RBPJ: variants seen among roughly 807,000 people sequenced by gnomAD.
RBPJ encodes recombination signal binding protein for immunoglobulin kappa J region, also known as recombining binding protein suppressor of hairless.
A neutral mutation model predicts 67.8 loss-of-function variants in RBPJ; 9 were observed. The observed-to-expected ratio is 0.13, with a 90% CI of 0.08 to 0.23. The LOEUF (loss-of-function observed/expected upper bound fraction) is 0.23. Among genes scored for constraint, RBPJ ranks in the 10% least tolerant of loss-of-function variants. The pLI is 1.00. For synonymous variants in RBPJ, 198 were observed against 203.3 expected (o/e 0.97, Z 0.22); for missense variants, 305 against 595.6 (o/e 0.51, Z 5.08).
chr4:26,312,142 T>A (rs1167480601), intron 1 of RBPJ, among the ~76,000 whole-genome samples: 1 of 151,484 alleles, frequency 6.6e-6, no homozygotes, highest in Non-Finnish European at 1.5e-5. Flanking sequence ...TTTATTTTAT[T>A]TTTTTTTGAG....
At chr4:26,119,395 T>C in the RBPJ span, among the ~76,000 whole-genome samples, 1 of 152,218 alleles carries the variant, frequency 6.6e-6, no homozygotes, top group Non-Finnish European at 1.5e-5. Context: ...ACTCTTCCAA[T>C]GCCAACCCAA....
chr4:26,381,727 G>T (rs1466535605), intron 1 of RBPJ, among the ~76,000 whole-genome samples: 1 of 152,160 alleles, frequency 6.6e-6, no homozygotes, highest in Non-Finnish European at 1.5e-5. Context: ...ACAGAACATA[G>T]AGCAAGAAGG....
chr4:26,377,383 T>G (rs1010127651), intron 1 of RBPJ, among the ~76,000 whole-genome samples: 2 of 152,200 alleles, frequency 1.3e-5, no homozygotes, highest in African/African-American at 4.8e-5. Context: ...TGTGCTCTCA[T>G]CAAGTGACAC....
At chr4:26,120,411 C>G in the RBPJ span, among the ~76,000 whole-genome samples, 1 of 152,208 alleles carries the variant, frequency 6.6e-6, no homozygotes, top group African/African-American at 2.4e-5. Flanking sequence ...GAAGAGCCTT[C>G]TATAGAACAC....
intron 1 of RBPJ, among the ~76,000 whole-genome samples, chr4:26,377,332 T>A (rs1278832157): frequency 6.6e-6 from 1 of 152,234 alleles, no homozygotes; most frequent in African/African-American, 2.4e-5. Context: ...AGCAACCTAG[T>A]TCCTGAGTCC....
intron 1 of RBPJ, among the ~76,000 whole-genome samples, chr4:26,337,682 C>CTTTTTTTT (rs386356773): frequency 1.9e-5 from 2 of 108,030 alleles, no homozygotes; most frequent in East Asian, 2.7e-4. Context: ...ATTCTTTATC[C>CTTTTTTTT]TTTTTTTTTT....
intron 1 of RBPJ, among the ~76,000 whole-genome samples, chr4:26,311,915 A>G (rs961909378): frequency 6.6e-6 from 1 of 152,064 alleles, no homozygotes; most frequent in Non-Finnish European, 1.5e-5. Context: ...TGAGCAACAG[A>G]GCAAGATCCT....
chr4:26,210,022 T>C (rs1296264317), intron 1 of RBPJ, among the ~76,000 whole-genome samples: 1 of 152,098 alleles, frequency 6.6e-6, no homozygotes, highest in Admixed American at 6.6e-5. Context: ...CCTAAAACCA[T>C]ATGAGGACCC....
At chr4:26,361,058 CGT>C (rs55870302) in intron 1 of RBPJ, among the ~76,000 whole-genome samples, 3,836 of 148,602 alleles carry the variant, frequency 0.026, 65 homozygotes, top group Middle Eastern at 0.058. Flanking sequence ...AGTGTGTGTG[CGT>C]GTGTGTGTGT....
chr4:26,145,088 C>T, the RBPJ span, among the ~76,000 whole-genome samples: 2 of 145,160 alleles, frequency 1.4e-5, no homozygotes, highest in Non-Finnish European at 3.0e-5. Context: ...TTCTGAGTTT[C>T]ATTTCATCTT....
chr4:26,126,907 A>G, the RBPJ span, among the ~76,000 whole-genome samples: 2 of 152,230 alleles, frequency 1.3e-5, no homozygotes, highest in South Asian at 4.1e-4. Context: ...AGTCTTCATG[A>G]ACTTCATGGA....
At chr4:26,171,487 G>A (rs1388178650) in intron 1 of RBPJ, among the ~76,000 whole-genome samples, 1 of 152,146 alleles carries the variant, frequency 6.6e-6, no homozygotes, top group African/African-American at 2.4e-5. Context: ...AGAATCTTTT[G>A]AGCCCCAAGA....
At chr4:26,267,215 T>C (rs1425600906) in intron 1 of RBPJ, among the ~76,000 whole-genome samples, 2 of 152,158 alleles carry the variant, frequency 1.3e-5, no homozygotes, top group African/African-American at 2.4e-5. Flanking sequence ...TCATATTTCC[T>C]TGTGTGTGCT....
the RBPJ span, among the ~76,000 whole-genome samples, chr4:26,117,345 C>G: frequency 1.3e-5 from 2 of 152,048 alleles, no homozygotes; most frequent in African/African-American, 2.4e-5. Context: ...TCCCATTTTA[C>G]CTCCTCCTGG....
chr4:26,305,766 C>CTTTTCTTTTTTTTTTTT (rs1722213270), intron 1 of RBPJ, among the ~76,000 whole-genome samples: 1 of 57,662 alleles, frequency 1.7e-5, no homozygotes, highest in Non-Finnish European at 3.5e-5. Flanking sequence ...TTAGAATTTT[C>CTTTTCTTTTTTTTTTTT]TTTTCTTTTT....
At chr4:26,295,726 C>T (rs908522768) in intron 1 of RBPJ, among the ~76,000 whole-genome samples, 5 of 152,104 alleles carry the variant, frequency 3.3e-5, no homozygotes, top group African/African-American at 1.2e-4. Context: ...TGATTTGGGA[C>T]TTGGATGAGG....
At chr4:26,307,769 C>A (rs1722284501) in intron 1 of RBPJ, among the ~76,000 whole-genome samples, 1 of 152,140 alleles carries the variant, frequency 6.6e-6, no homozygotes, top group Admixed American at 6.5e-5. Context: ...TTCCAAAGTA[C>A]TTAGATGAAA....
In RBPJ at chr4:26,430,367, T is replaced by G. The variant is rs1736095173; in HGVS notation, c.1045-52T>G. ...TGAATGAGAATCTAATTTGTGTACT[T>G]TAATGAAAAATGAAAAGTTTTCTCA... is the stretch of plus-strand genomic sequence containing the variant. On this transcript the variant is annotated intron_variant, in intron 9 of 10. Coordinates refer to ENST00000355476, the MANE Select transcript of RBPJ (RefSeq NM_015874.6). This position sits in a 1 kb window ranked among gnomAD's most constrained non-coding sequence, Gnocchi z 4.1. 7.0e-7 allele frequency: 1 copy of G among 1,427,658 alleles called. No homozygotes were observed. Among genetic ancestry groups the G allele is most frequent in the African/African-American group, 1.4e-5 (1 of 71,074 alleles). The allele number at this position is 1,427,658 out of a possible 1,614,324, so 88.4% of individuals were successfully genotyped here. A position where few individuals can be genotyped will look rare whatever the true frequency, so the allele number is the denominator to read the frequency against.
At chr4:26,113,813 A>G in the RBPJ span, 1 of 229,916 alleles carries the variant, frequency 4.3e-6, no homozygotes, top group Non-Finnish European at 9.7e-6. Context: ...AATTCACACA[A>G]GGCCAAAAGG....
Sources: allele counts gnomAD v4.1 joint callset (sites outside exome capture counted in the v4.1 genomes callset), GRCh38; gene constraint gnomAD v4.1.1; non-coding constraint Gnocchi (gnomAD v3.1); transcripts MANE v1.5; gene names NCBI Gene and HGNC (gene_info 2026-07-23, HGNC 2026-07-21).